Variants in MAGI1 observed in about 807,000 individuals in gnomAD.
MAGI1 encodes membrane associated guanylate kinase, WW and PDZ domain containing 1.
A neutral mutation model predicts 139.9 loss-of-function variants in MAGI1; 58 were observed. The observed-to-expected ratio is 0.41, with a 90% CI of 0.34 to 0.52. The LOEUF (loss-of-function observed/expected upper bound fraction) is 0.52. Ranked by LOEUF, MAGI1 falls within the 20% of genes least tolerant of loss-of-function variation. MAGI1 has a pLI of 0.12. For missense variants in MAGI1, 1,874 were observed against 1,901.6 expected (o/e 0.99, Z 0.27); for synonymous variants, 812 against 737.9 (o/e 1.10, Z -1.63).
chr3:65,881,904 C>T (rs1028519956), intron 1 of MAGI1, among the ~76,000 whole-genome samples: 17 of 152,210 alleles, frequency 1.1e-4, no homozygotes, highest in African/African-American at 3.6e-4. Context: ...GTAGAGGAAA[C>T]GGCCCTAGCT....
intron 7 of MAGI1, among the ~76,000 whole-genome samples, chr3:65,447,627 T>C (rs1241618624): frequency 6.6e-6 from 1 of 152,196 alleles, no homozygotes; most frequent in Non-Finnish European, 1.5e-5. Flanking sequence ...GCTTGGCTTT[T>C]TTGTATTACC....
intron 9 of MAGI1, among the ~76,000 whole-genome samples, chr3:65,439,128 A>G (rs1948058549): frequency 6.6e-6 from 1 of 152,206 alleles, no homozygotes; most frequent in South Asian, 2.1e-4. Context: ...GTAATAAACA[A>G]ATGGCTAAAT....
At chr3:65,725,717 C>T (rs72900247) in intron 1 of MAGI1, among the ~76,000 whole-genome samples, 4,802 of 152,252 alleles carry the variant, frequency 0.032, 217 homozygotes, top group African/African-American at 0.1. Flanking sequence ...CTGCCAGATC[C>T]TGGAATAAGT....
intron 1 of MAGI1, among the ~76,000 whole-genome samples, chr3:65,996,672 A>T (rs1040652326): frequency 2.0e-5 from 3 of 151,956 alleles, no homozygotes; most frequent in Admixed American, 6.6e-5. Context: ...TGGGTGGAGA[A>T]CTCCCACATT....
intron 12 of MAGI1, 168 bp from the exon 13 acceptor site, chr3:65,401,638 C>A: frequency 6.5e-7 from 1 of 1,549,546 alleles, no homozygotes; most frequent in Non-Finnish European, 8.7e-7. Context: ...CATATCGAAT[C>A]AAAGCAGAGG....
At chr3:66,027,632 G>A (rs1337621105) in intron 1 of MAGI1, among the ~76,000 whole-genome samples, 1 of 152,196 alleles carries the variant, frequency 6.6e-6, no homozygotes, top group Non-Finnish European at 1.5e-5. Context: ...CATCTACCTA[G>A]ACAAACCCTT....
chr3:65,637,646 G>T (rs2084719958), intron 1 of MAGI1, among the ~76,000 whole-genome samples: 1 of 152,104 alleles, frequency 6.6e-6, no homozygotes, highest in African/African-American at 2.4e-5. Flanking sequence ...TATTGGTGAT[G>T]ATTCCAAATT....
At chr3:65,819,914 AAGGCTGCTT>A (rs2041849327) in intron 1 of MAGI1, among the ~76,000 whole-genome samples, 1 of 149,656 alleles carries the variant, frequency 6.7e-6, no homozygotes, top group African/African-American at 2.5e-5. Flanking sequence ...TTGAGGAATA[AAGGCTGCTT>A]AGGTCAACAG....
intron 1 of MAGI1, among the ~76,000 whole-genome samples, chr3:65,653,478 C>T (rs1465743440): frequency 1.3e-5 from 2 of 152,146 alleles, no homozygotes; most frequent in Non-Finnish European, 2.9e-5. Context: ...AGGACCATGA[C>T]TTAATATAAG....
intron 1 of MAGI1, among the ~76,000 whole-genome samples, chr3:66,022,343 A>G (rs2068010804): frequency 6.6e-6 from 1 of 152,222 alleles, no homozygotes; most frequent in Non-Finnish European, 1.5e-5. Flanking sequence ...CAACAGCTAC[A>G]TGAATTTTTC....
chr3:65,549,531 G>A, intron 2 of MAGI1: 1 of 963,960 alleles, frequency 1.0e-6, no homozygotes, highest in Non-Finnish European at 1.2e-6. Flanking sequence ...CTCCTTTTAT[G>A]GGGCTCGCAG....
chr3:65,859,581 T>C (rs912901896), intron 1 of MAGI1, among the ~76,000 whole-genome samples: 2 of 151,182 alleles, frequency 1.3e-5, no homozygotes, highest in Non-Finnish European at 2.9e-5. Context: ...ATACAAAAAA[T>C]ACAAAAATTA....
chr3:65,957,426 T>G (rs1054487182), intron 1 of MAGI1, among the ~76,000 whole-genome samples: 1 of 135,156 alleles, frequency 7.4e-6, no homozygotes, highest in African/African-American at 2.8e-5. Context: ...GGCGCTGAGG[T>G]GGGAAGATCG....
intron 1 of MAGI1, among the ~76,000 whole-genome samples, chr3:65,833,303 G>A (rs950330298): frequency 6.6e-6 from 1 of 152,090 alleles, no homozygotes; most frequent in African/African-American, 2.4e-5. Context: ...AGTTTTAGTA[G>A]AGAGGGGGTT....
chr3:65,731,217 G>C (rs1281159528), intron 1 of MAGI1, among the ~76,000 whole-genome samples: 1 of 152,138 alleles, frequency 6.6e-6, no homozygotes, highest in African/African-American at 2.4e-5. Flanking sequence ...GAATGTAATA[G>C]CTTTGGAGCA....
chr3:66,005,729 T>C (rs995133361), intron 1 of MAGI1, among the ~76,000 whole-genome samples: 3 of 152,096 alleles, frequency 2.0e-5, no homozygotes, highest in Admixed American at 6.6e-5. Context: ...CAAAAAGGAA[T>C]GGCAGCACCA....
At chr3:65,781,625 T>C (rs1347118430) in intron 1 of MAGI1, among the ~76,000 whole-genome samples, 4 of 152,202 alleles carry the variant, frequency 2.6e-5, no homozygotes, top group Non-Finnish European at 4.4e-5. Flanking sequence ...ACCAAAGATA[T>C]AATGAAATTG....
chr3:65,390,026 G>A (rs556891210), intron 14 of MAGI1, among the ~76,000 whole-genome samples: 1 of 152,290 alleles, frequency 6.6e-6, no homozygotes, highest in African/African-American at 2.4e-5. Context: ...GCCCCATTTT[G>A]CTTGGGTCAC....
intron 12 of MAGI1, among the ~76,000 whole-genome samples, chr3:65,411,561 C>T (rs1945794691): frequency 6.6e-6 from 1 of 152,138 alleles, no homozygotes; most frequent in African/African-American, 2.4e-5. Context: ...GATTCCTTTT[C>T]TGGGTTGGAA....
Sources: allele counts gnomAD v4.1 joint callset (sites outside exome capture counted in the v4.1 genomes callset), GRCh38; gene constraint gnomAD v4.1.1; transcripts MANE v1.5; gene names NCBI Gene and HGNC (gene_info 2026-07-23, HGNC 2026-07-21).